The following ZNF799 variants were observed in gnomAD, a reference collection of about 807,000 sequenced individuals.
ZNF799 encodes zinc finger protein 799.
Under a neutral mutation model 41.0 loss-of-function variants are expected in ZNF799, and 28 were observed. That is an observed-to-expected ratio of 0.68 (90% CI 0.51 to 0.94). The LOEUF is 0.94. Ranked by LOEUF, ZNF799 falls within the 40% of genes least tolerant of loss-of-function variation. ZNF799 has a pLI of 0.00. For missense variants in ZNF799, 716 were observed against 764.3 expected (o/e 0.94, Z 0.74); for synonymous variants, 213 against 252.9 (o/e 0.84, Z 1.50).
At chr19:12,399,804 C>T (rs1969950462) in intron 1 of ZNF799, among the ~76,000 whole-genome samples, 1 of 151,944 alleles carries the variant, frequency 6.6e-6, no homozygotes, top group African/African-American at 2.4e-5. Context: ...CTACCAAGCC[C>T]AGCTAATTTT....
chr19:12,405,660 A>G (rs1055092360), upstream of ZNF799, among the ~76,000 whole-genome samples: 1 of 152,250 alleles, frequency 6.6e-6, no homozygotes. Flanking sequence ...ATCAGTGTCT[A>G]CAATGAATAG....
At chr19:12,404,716 T>C (rs1413314646), upstream of ZNF799, among the ~76,000 whole-genome samples, 3 of 152,236 alleles carry the variant, frequency 2.0e-5, no homozygotes, top group African/African-American at 4.8e-5. Flanking sequence ...CTCTCTGTTC[T>C]ATATCATCTA....
At chr19:12,400,980 T>TG in intron 1 of ZNF799, 88 bp downstream of exon 1, 9 of 1,611,744 alleles carry the variant, frequency 5.6e-6, no homozygotes, top group Non-Finnish European at 5.9e-6. Flanking sequence ...GAGTAGCCCT[T>TG]GGGGAGGCCC....
At chr19:12,394,911 A>G in intron 1 of ZNF799, 1 of 974,352 alleles carries the variant, frequency 1.0e-6, no homozygotes, top group South Asian at 4.8e-5. Flanking sequence ...AGATAAATAT[A>G]TATATAAAGA....
chr19:12,390,747 C>T lies in ZNF799; in HGVS notation c.1651G>A (p.Glu551Lys), dbSNP rs766503034. The T allele has an allele frequency of 5.6e-6, 9 of 1,613,704 alleles. No individual in the cohort carries two copies. Among genetic ancestry groups the T allele is most frequent in the Non-Finnish European group, 7.6e-6 (9 of 1,179,906 alleles). ...GGTTTCTCTCTCATGTGAATTCTTT[C>T]ATGTCGTAGAAAGCAAGTGAGCCAA... ...FSWLTCFLRH[E>K]RIHMREKPYE... Residue 551 changes from glutamate (E) to lysine (K), a missense_variant, in exon 4 of 4, where the codon GAA (glutamate) becomes AAA (lysine). Physicochemically the swap from Glu to Lys is moderately conservative, Grantham distance 56. Coordinates refer to ENST00000430385, the MANE Select transcript of ZNF799 (RefSeq NM_001080821.3).
In ZNF799 at chr19:12,392,100, C is replaced by A. The variant is rs749129879; in HGVS notation, c.298G>T (p.Val100Leu). The A allele has an allele frequency of 6.2e-7, 1 of 1,614,186 alleles. No individual in the cohort carries two copies. The highest frequency in any genetic ancestry group is 8.5e-7 in the Non-Finnish European group (1 of 1,180,006). ...CTCATACGGCTTTCATATGGACCTA[C>A]TCCAGGAAGAGTGTTCTTGGTCACA... is the stretch of plus-strand genomic sequence containing the variant. ...SIVTKNTLPG[V>L]GPYESRMSGE... Residue 100 changes from valine (V) to leucine (L), a missense_variant, in exon 4 of 4, where the codon GTA (valine) becomes TTA (leucine). Transcript: ENST00000430385.
Position 12,393,399 on chromosome 19 carries a change from C to T in ZNF799, c.28G>A (p.Ala10Thr), listed in dbSNP as rs1409371224. 8.0e-7 allele frequency: 1 copy of T among 1,246,658 alleles called. No individual in the cohort carries two copies. Among genetic ancestry groups the T allele is most frequent in the African/African-American group, 1.6e-5 (1 of 60,618 alleles). The allele number at this position is 1,246,658 out of a possible 1,614,324, so 77.2% of individuals were successfully genotyped here. Residue 10 changes from alanine (A) to threonine (T), a missense_variant, in exon 2 of 4, where the codon GCT (alanine) becomes ACT (threonine). Ala to Thr is a moderately conservative substitution (Grantham distance 58, BLOSUM62 0). Transcript: ENST00000430385. ...CACTCTTCTCGGGTGAAGTTCACAG[C>T]CACATCCTCTAAAGCCACTGAGGCC... MASVALEDV[A>T]VNFTREEWAL...
At chr19:12,414,448 C>T in the ZNF799 span, among the ~76,000 whole-genome samples, 1 of 152,282 alleles carries the variant, frequency 6.6e-6, no homozygotes, top group South Asian at 2.1e-4. Context: ...AATCCCAGAC[C>T]ACTGTCCAGT....
the ZNF799 span, among the ~76,000 whole-genome samples, chr19:12,413,764 C>T: frequency 6.6e-6 from 1 of 151,598 alleles, no homozygotes; most frequent in Non-Finnish European, 1.5e-5. Context: ...ACTGTGACCC[C>T]TATAAAGAGT....
At chr19:12,407,709 G>A in the ZNF799 span, among the ~76,000 whole-genome samples, 1 of 152,104 alleles carries the variant, frequency 6.6e-6, no homozygotes, top group Non-Finnish European at 1.5e-5. Flanking sequence ...TAGGGCCAAT[G>A]AATGACAGTG....
At chr19:12,401,900 T>G (rs1291807929), upstream of ZNF799, among the ~76,000 whole-genome samples, 1 of 152,118 alleles carries the variant, frequency 6.6e-6, no homozygotes, top group African/African-American at 2.4e-5. Flanking sequence ...TCAATGAAAT[T>G]TTTCAAAATA....
At chr19:12,396,232 C>T (rs1021464229) in intron 1 of ZNF799, among the ~76,000 whole-genome samples, 1 of 108,672 alleles carries the variant, frequency 9.2e-6, no homozygotes, top group Admixed American at 9.1e-5. Context: ...TCAGACACTG[C>T]ACTCACTGAA....
intron 1 of ZNF799, chr19:12,398,160 G>C (rs547654347): frequency 6.6e-6 from 1 of 152,036 alleles, no homozygotes; most frequent in Non-Finnish European, 1.5e-5. Context: ...TCGGGAGGCT[G>C]AGGCAGGAGA....
chr19:12,391,623 A>C lies in ZNF799; in HGVS notation c.775T>G (p.Ser259Ala), dbSNP rs1419953050. The part of the protein sequence containing the change: ...GEKLYECKQC[S>A]KAFPDYSSCL... ...GAACTGTAATCAGGGAAGGCTTTAG[A>C]ACACTGTTTACATTCATACAGTTTC... Residue 259 changes from serine (S) to alanine (A), a missense_variant, in exon 4 of 4, where the codon TCT becomes GCT. Physicochemically the swap from Ser to Ala is moderately conservative, Grantham distance 99. Transcript: ENST00000430385. 2 of 1,612,340 alleles carry C rather than the reference A, an allele frequency of 1.2e-6. No individual in the cohort carries two copies. The highest frequency in any genetic ancestry group is 2.7e-5 in the African/African-American group (2 of 74,976).
chr19:12,409,355 A>T, the ZNF799 span, among the ~76,000 whole-genome samples: 1 of 152,154 alleles, frequency 6.6e-6, no homozygotes, highest in Admixed American at 6.5e-5. Context: ...CCAGCTACAG[A>T]CCAGTACTGG....
chr19:12,398,903 A>G (rs1163363109), intron 1 of ZNF799, among the ~76,000 whole-genome samples: 1 of 152,206 alleles, frequency 6.6e-6, no homozygotes, highest in Non-Finnish European at 1.5e-5. Context: ...GGGCAAAAAA[A>G]ATAAATAAAG....
rs191363423 is a variant in ZNF799 at position 12,390,511 on chromosome 19, T to G, written c.1887A>C (p.Ala629=). The change falls in exon 4 of 4, where the codon GCA becomes GCC. Residue 629 remains alanine, a synonymous_variant. Transcript: ENST00000430385. ...NPYGCKECGK[A]FASLSSLHRH... is the part of the protein sequence containing the mutation. ...TATGCAAGGAACTGAGAGAAGCAAATGCTTTCCCACATTCCTTACATCCAT... is the reference window on the plus strand; with the variant it reads ...TATGCAAGGAACTGAGAGAAGCAAAGGCTTTCCCACATTCCTTACATCCAT... The G allele has an allele frequency of 6.2e-7, 1 of 1,610,370 alleles. No homozygotes were observed. Among genetic ancestry groups the G allele is most frequent in the Non-Finnish European group, 8.5e-7 (1 of 1,176,618 alleles).
At chr19:12,394,539 T>C (rs1457999615) in intron 1 of ZNF799, 1 of 973,450 alleles carries the variant, frequency 1.0e-6, no homozygotes, top group Non-Finnish European at 1.2e-6. Context: ...CAGAGAATAT[T>C]TGGAAGCTGG....
the ZNF799 span, among the ~76,000 whole-genome samples, chr19:12,407,417 C>A: frequency 6.6e-6 from 1 of 151,028 alleles, no homozygotes; most frequent in Non-Finnish European, 1.5e-5. Context: ...TAGCTATATT[C>A]CTGTCACTGC....
Sources: gnomAD v4.1 joint callset for allele counts (sites outside exome capture counted in the v4.1 genomes callset) on GRCh38, gnomAD v4.1.1 for gene constraint, MANE v1.5 for transcripts, NCBI Gene and HGNC (gene_info 2026-07-23, HGNC 2026-07-21) for gene names.